Variants in SPOCK1 observed in about 807,000 individuals in gnomAD.
The protein encoded by SPOCK1 is testican-1.
SPOCK1 carries 23 observed loss-of-function variants against 55.3 expected under a neutral mutation model. That is an observed-to-expected ratio of 0.42 (90% CI 0.30 to 0.59). The LOEUF (loss-of-function observed/expected upper bound fraction) is 0.59. Among genes scored for constraint, SPOCK1 ranks in the 20% least tolerant of loss-of-function variants. SPOCK1 has a pLI of 0.22. For synonymous variants in SPOCK1, 226 were observed against 221.0 expected (o/e 1.02, Z -0.20); for missense variants, 499 against 552.5 (o/e 0.90, Z 0.97).
intron 4 of SPOCK1, among the ~76,000 whole-genome samples, chr5:137,130,112 C>T (rs1392187520): frequency 6.6e-6 from 1 of 152,182 alleles, no homozygotes; most frequent in African/African-American, 2.4e-5. Context: ...TGGAGTCACC[C>T]ATGCTAGACT....
intron 5 of SPOCK1, among the ~76,000 whole-genome samples, chr5:137,108,277 C>T (rs1374388095): frequency 2.0e-5 from 3 of 152,180 alleles, no homozygotes; most frequent in Admixed American, 6.5e-5. Context: ...GGAAGGAAGC[C>T]TCATAGAATG....
intron 5 of SPOCK1, among the ~76,000 whole-genome samples, chr5:137,103,713 A>C (rs79003086): frequency 6.6e-6 from 1 of 152,216 alleles, no homozygotes; most frequent in Admixed American, 6.5e-5. Context: ...CCTAACTAAC[A>C]CACAATTAAT....
At chr5:137,010,127 G>C (rs994471649) in intron 6 of SPOCK1, among the ~76,000 whole-genome samples, 13 of 151,788 alleles carry the variant, frequency 8.6e-5, no homozygotes, top group Non-Finnish European at 1.6e-4. Flanking sequence ...ACAACCTGCT[G>C]TCTCTTTTGG....
At chr5:137,130,388 T>C (rs1164619260) in intron 4 of SPOCK1, among the ~76,000 whole-genome samples, 3 of 152,216 alleles carry the variant, frequency 2.0e-5, no homozygotes, top group Admixed American at 6.5e-5. Context: ...TAAGTATTTG[T>C]TGAATAAAGA....
At chr5:137,359,168 T>G (rs1413094660) in intron 2 of SPOCK1, among the ~76,000 whole-genome samples, 6 of 152,198 alleles carry the variant, frequency 3.9e-5, no homozygotes, top group Non-Finnish European at 7.3e-5. Flanking sequence ...AAGACCCTCT[T>G]AAGAATAAAA....
intron 3 of SPOCK1, among the ~76,000 whole-genome samples, chr5:137,248,834 G>C (rs1402006483): frequency 6.6e-6 from 1 of 152,218 alleles, no homozygotes; most frequent in African/African-American, 2.4e-5. Flanking sequence ...CTTAGGCTTT[G>C]AGGAACATTT....
At chr5:137,356,395 A>G (rs1321091398) in intron 2 of SPOCK1, among the ~76,000 whole-genome samples, 1 of 152,152 alleles carries the variant, frequency 6.6e-6, no homozygotes, top group Non-Finnish European at 1.5e-5. Context: ...CTAAAAGGGA[A>G]GTGGGCATTT....
chr5:137,418,743 C>A (rs1206092526), intron 2 of SPOCK1, among the ~76,000 whole-genome samples: 1 of 152,126 alleles, frequency 6.6e-6, no homozygotes, highest in Admixed American at 6.5e-5. Context: ...TTCTCCCATT[C>A]TGTAGGTTGC....
intron 3 of SPOCK1, among the ~76,000 whole-genome samples, chr5:137,172,521 C>G (rs715423): frequency 0.041 from 6,190 of 152,220 alleles, 210 homozygotes; most frequent in East Asian, 0.13. Flanking sequence ...GTCATCTGTG[C>G]ATTATTTAAT....
intron 6 of SPOCK1, among the ~76,000 whole-genome samples, chr5:137,030,039 C>G (rs1339695692): frequency 6.6e-6 from 1 of 152,206 alleles, no homozygotes; most frequent in African/African-American, 2.4e-5. Context: ...TCAAAAATGT[C>G]CCCTCTTGGA....
intron 5 of SPOCK1, among the ~76,000 whole-genome samples, chr5:137,084,759 T>C (rs147529884): frequency 8.5e-4 from 129 of 152,064 alleles, no homozygotes; most frequent in African/African-American, 2.9e-3. Context: ...AAAGAAACTC[T>C]ATTAGATCCT....
intron 2 of SPOCK1, among the ~76,000 whole-genome samples, chr5:137,475,631 G>A (rs1753823934): frequency 6.6e-6 from 1 of 152,024 alleles, no homozygotes; most frequent in Non-Finnish European, 1.5e-5. Context: ...TGCCCAGGCT[G>A]GAGGGCTGTG....
At chr5:137,254,122 A>C (rs1455380710) in intron 3 of SPOCK1, among the ~76,000 whole-genome samples, 1 of 152,226 alleles carries the variant, frequency 6.6e-6, no homozygotes, top group Non-Finnish European at 1.5e-5. Flanking sequence ...CTAAAAGCAA[A>C]AATCATAATT....
chr5:137,028,508 CTG>C (rs1309731047), intron 6 of SPOCK1, among the ~76,000 whole-genome samples: 8 of 152,172 alleles, frequency 5.3e-5, no homozygotes, highest in Non-Finnish European at 1.2e-4. Flanking sequence ...CCCAGAGACA[CTG>C]AGAGAGAATG....
At chr5:137,197,746 C>T (rs1355920420) in intron 3 of SPOCK1, among the ~76,000 whole-genome samples, 1 of 152,162 alleles carries the variant, frequency 6.6e-6, no homozygotes, top group Non-Finnish European at 1.5e-5. Context: ...CACTTCCTAA[C>T]AGCTGTTTGA....
intron 3 of SPOCK1, among the ~76,000 whole-genome samples, chr5:137,233,761 G>T (rs546699446): frequency 1.8e-4 from 15 of 84,712 alleles, no homozygotes; most frequent in African/African-American, 6.3e-4. Flanking sequence ...TGTATCCTGT[G>T]ACTTTGCCGA....
At position 136,995,513 on chromosome 5, in the gene SPOCK1, C is replaced by A. The variant is rs1751023864; in HGVS notation, c.590-2913G>T. 2.0e-5 allele frequency among the ~76,000 whole-genome samples: 3 copies of A among 152,160 alleles called. No homozygotes were observed. In the South Asian group the frequency reaches 6.2e-4, roughly 32 times the overall value. On this transcript the variant is annotated intron_variant, in intron 6 of 10. Transcript: ENST00000394945. ...GCAGGAGAGAATGTGGCCTGTTTTTCTGAGGAAAATAGGTTGTGCATTCCG... is the reference window on the plus strand; with the variant it reads ...GCAGGAGAGAATGTGGCCTGTTTTTATGAGGAAAATAGGTTGTGCATTCCG...
rs142016675 is a variant in SPOCK1, at chr5:137,273,931, T to C, written c.187-6876A>G. Reference sequence around the variant, plus strand: ...TAGGAAATATGTAAAATGAATAGCATTGTCATTGCTCCTCTAGCTGATTCA... The same window carrying C: ...TAGGAAATATGTAAAATGAATAGCACTGTCATTGCTCCTCTAGCTGATTCA... On this transcript the variant is annotated intron_variant, in intron 2 of 10. Coordinates refer to ENST00000394945, the MANE Select transcript of SPOCK1 (RefSeq NM_004598.4). 3.9e-5 allele frequency among the ~76,000 whole-genome samples: 6 copies of C among 152,302 alleles called. 1 individual carries two copies. The highest frequency in any genetic ancestry group is 1.4e-4 in the African/African-American group (6 of 41,578).
intron 3 of SPOCK1, among the ~76,000 whole-genome samples, chr5:137,262,613 G>T (rs1014986493): frequency 6.6e-6 from 1 of 152,148 alleles, no homozygotes; most frequent in Admixed American, 6.5e-5. Flanking sequence ...TCAGGCATTT[G>T]GTAACTGCTT....
Sources: gnomAD v4.1 joint callset for allele counts (sites outside exome capture counted in the v4.1 genomes callset) on GRCh38, gnomAD v4.1.1 for gene constraint, MANE v1.5 for transcripts, NCBI Gene and HGNC (gene_info 2026-07-23, HGNC 2026-07-21) for gene names.